The following ADAM10 variants were observed in gnomAD, a reference collection of about 807,000 sequenced individuals.
ADAM10 encodes ADAM metallopeptidase domain 10, also known as disintegrin and metalloproteinase domain-containing protein 10.
A neutral mutation model predicts 90.1 loss-of-function variants in ADAM10; 17 were observed. That is an observed-to-expected ratio of 0.19 (90% CI 0.13 to 0.28). The LOEUF (loss-of-function observed/expected upper bound fraction) is 0.28. ADAM10 is among the 10% of genes least tolerant of loss of function. ADAM10 has a pLI of 1.00. For missense variants in ADAM10, 610 were observed against 914.3 expected, an observed-to-expected ratio of 0.67 and a Z score of 4.29; for synonymous variants, 310 against 298.6, an observed-to-expected ratio of 1.04 and a Z score of -0.40.
chr15:58,654,646 T>C (rs539514316), intron 5 of ADAM10, among the ~76,000 whole-genome samples: 3 of 152,330 alleles, frequency 2.0e-5, no homozygotes, highest in Non-Finnish European at 4.4e-5. Context: ...CCTAAAGTGC[T>C]GGAATTACAG....
At chr15:58,629,713 C>G (rs1213986458) in intron 9 of ADAM10, among the ~76,000 whole-genome samples, 2 of 152,180 alleles carry the variant, frequency 1.3e-5, no homozygotes, top group African/African-American at 2.4e-5. Flanking sequence ...TATTTCCTAT[C>G]TGACTTATAT....
intron 1 of ADAM10, among the ~76,000 whole-genome samples, chr15:58,744,743 C>T (rs188441913): frequency 1.4e-3 from 207 of 152,312 alleles, no homozygotes; most frequent in African/African-American, 4.6e-3. Context: ...GGCACAGTGG[C>T]TTACACCTGT....
At chr15:58,673,473 T>C (rs1188830712) in intron 4 of ADAM10, among the ~76,000 whole-genome samples, 1 of 151,472 alleles carries the variant, frequency 6.6e-6, no homozygotes, top group Non-Finnish European at 1.5e-5. Flanking sequence ...ATCTTATATT[T>C]CTGAAATAAT....
At chr15:58,636,611 G>T (rs993967321) in intron 8 of ADAM10, among the ~76,000 whole-genome samples, 2 of 152,128 alleles carry the variant, frequency 1.3e-5, no homozygotes, top group Non-Finnish European at 2.9e-5. Flanking sequence ...AATTATTGAT[G>T]AAGGATTCAA....
chr15:58,633,306 T>A lies in ADAM10; in HGVS notation c.1066A>T (p.Lys356Ter). 1 of 1,613,552 alleles carries A rather than the reference T, an allele frequency of 6.2e-7. No homozygotes were observed. The change falls in exon 9 of 16, where the codon AAG becomes TAG. Residue 356 changes from lysine to a stop codon, truncating the protein, a stop_gained. Coordinates refer to ENST00000260408, the MANE Select transcript of ADAM10 (RefSeq NM_001110.4). LOFTEE classifies it high-confidence loss of function. ...KSKLYSDGKK[K>*]SLNTGIITVQ... is the part of the protein sequence containing the mutation. ...GTAATAATTCCAGTGTTTAAGGACT[T>A]CTTCTTACCATCTGAATAGAGTTTA...
At chr15:58,736,619 T>C (rs763326248) in intron 1 of ADAM10, among the ~76,000 whole-genome samples, 3 of 151,980 alleles carry the variant, frequency 2.0e-5, no homozygotes, top group African/African-American at 4.8e-5. Flanking sequence ...AAATAATATA[T>C]TATTAAAAAG....
chr15:58,639,920 G>A (rs1328889267), intron 8 of ADAM10, among the ~76,000 whole-genome samples: 2 of 151,344 alleles, frequency 1.3e-5, no homozygotes, highest in Non-Finnish European at 2.9e-5. Flanking sequence ...TAGAAATGAA[G>A]TATCAGAAGG....
chr15:58,749,114 C>A, intron 1 of ADAM10: 1 of 397,984 alleles, frequency 2.5e-6, no homozygotes, highest in Non-Finnish European at 4.4e-6. Context: ...CTGCCTGCAC[C>A]GGCGCCCGCC....
chr15:58,614,926 C>G (rs1297900929), intron 11 of ADAM10, among the ~76,000 whole-genome samples: 1 of 151,996 alleles, frequency 6.6e-6, no homozygotes, highest in Non-Finnish European at 1.5e-5. Flanking sequence ...ACTACCAAAC[C>G]ACAATGCTAA....
At chr15:58,695,529 T>C (rs561959613) in intron 2 of ADAM10, among the ~76,000 whole-genome samples, 60 of 152,286 alleles carry the variant, frequency 3.9e-4, no homozygotes, top group African/African-American at 1.4e-3. Context: ...AGCATCGTCA[T>C]TAAAATTTAT....
Position 58,597,234 on chromosome 15 carries a change from G to C in ADAM10, c.*313C>G. 1 of 796,194 alleles carries C rather than the reference G, an allele frequency of 1.3e-6. No individual in the cohort carries two copies. The highest frequency in any genetic ancestry group is 2.0e-5 in the South Asian group (1 of 51,222). 49.3% of individuals were successfully genotyped at this position (796,194 alleles called of 1,614,324 possible). On this transcript the variant is annotated 3_prime_UTR_variant, in exon 16 of 16. Transcript: ENST00000260408. ...TATTGAGAGCCAAGTTTGCCTGCAA[G>C]TGAAGAAAATGCAGCAACGAAGAAC...
chr15:58,722,407 C>G (rs760087209), intron 1 of ADAM10, among the ~76,000 whole-genome samples: 5 of 151,632 alleles, frequency 3.3e-5, no homozygotes, highest in South Asian at 2.1e-4. Flanking sequence ...GGAATGATGG[C>G]ATGCACCTGT....
At chr15:58,638,138 G>A (rs1402139061) in intron 8 of ADAM10, among the ~76,000 whole-genome samples, 1 of 152,052 alleles carries the variant, frequency 6.6e-6, no homozygotes, top group African/African-American at 2.4e-5. Flanking sequence ...GCTCTTAGAA[G>A]ATGGCTTCCA....
intron 2 of ADAM10, among the ~76,000 whole-genome samples, chr15:58,694,743 A>AT (rs1187593498): frequency 1.5e-5 from 2 of 134,504 alleles, no homozygotes; most frequent in Admixed American, 7.0e-5. Context: ...CTACTCAGAA[A>AT]TTAAAAAAAA....
intron 1 of ADAM10, among the ~76,000 whole-genome samples, chr15:58,727,400 A>G (rs1344224713): frequency 6.6e-6 from 1 of 152,088 alleles, no homozygotes; most frequent in African/African-American, 2.4e-5. Flanking sequence ...CATGTTGGCC[A>G]GGTTGGTCTC....
In ADAM10 at chr15:58,590,911, C is replaced by A. The variant is rs1203112613; in HGVS notation, c.*6636G>T. On this transcript the variant is annotated 3_prime_UTR_variant, in exon 16 of 16. Coordinates refer to ENST00000260408, the MANE Select transcript of ADAM10 (RefSeq NM_001110.4). ...TTATCAAATTATTCTCATTTTTTTA[C>A]ACTGAGAACAAACAACTACAGAATA... 3.3e-5 allele frequency: 5 copies of A among 152,122 alleles called. No homozygotes were observed. The highest frequency in any genetic ancestry group is 2.9e-5 in the Non-Finnish European group (2 of 68,024). The allele number at this position is 152,122 out of a possible 1,614,324, so 9.4% of individuals were successfully genotyped here.
intron 5 of ADAM10, among the ~76,000 whole-genome samples, chr15:58,647,248 A>ATTTCTTTTTTTTTTTTTTTTTTTTTT (rs1162350060): frequency 6.7e-5 from 4 of 59,602 alleles, no homozygotes; most frequent in African/African-American, 2.1e-4. Context: ...GACACTAAGT[A>ATTTCTTTTTTTTTTTTTTTTTTTTTT]TTTTTTTTTT....
At chr15:58,685,574 A>ATATATATATG (rs1240509120) in intron 2 of ADAM10, among the ~76,000 whole-genome samples, 2 of 137,918 alleles carry the variant, frequency 1.5e-5, no homozygotes, top group Non-Finnish European at 1.5e-5. Flanking sequence ...ATATATATAT[A>ATATATATATG]TATATATATG....
chr15:58,597,521 A>G lies in ADAM10; in HGVS notation c.*26T>C. The G allele has an allele frequency of 6.2e-7, 1 of 1,614,094 alleles. No individual in the cohort carries two copies. Among genetic ancestry groups the G allele is most frequent in the Non-Finnish European group, 8.5e-7 (1 of 1,180,010 alleles). ...GTGAAGTTTTCCCATTGTAGGCACTAGGAAGAACCAAGGCAAAAGCTGCAG... is the reference window on the plus strand; with the variant it reads ...GTGAAGTTTTCCCATTGTAGGCACTGGGAAGAACCAAGGCAAAAGCTGCAG... On this transcript the variant is annotated 3_prime_UTR_variant, in exon 16 of 16. Coordinates refer to ENST00000260408, the MANE Select transcript of ADAM10 (RefSeq NM_001110.4).
Sources: gnomAD v4.1 joint callset for allele counts (sites outside exome capture counted in the v4.1 genomes callset) on GRCh38, gnomAD v4.1.1 for gene constraint, MANE v1.5 for transcripts, NCBI Gene and HGNC (gene_info 2026-07-23, HGNC 2026-07-21) for gene names.